CACNA2D1: variants seen among roughly 807,000 people sequenced by gnomAD.
The protein encoded by CACNA2D1 is voltage-dependent calcium channel subunit alpha-2/delta-1.
Under a neutral mutation model 171.5 loss-of-function variants are expected in CACNA2D1, and 53 were observed. The ratio of observed to expected loss-of-function variants is 0.31; its 90% CI spans 0.25 to 0.39. CACNA2D1 has a LOEUF of 0.39. CACNA2D1 is among the 10% of genes least tolerant of loss of function. The pLI is 1.00. For missense variants in CACNA2D1, 903 were observed against 1,299.8 expected, an observed-to-expected ratio of 0.69 and a Z score of 4.69; for synonymous variants, 442 against 443.1, an observed-to-expected ratio of 1.00 and a Z score of 0.03.
At chr7:82,207,213 C>A (rs957679849) in intron 3 of CACNA2D1, among the ~76,000 whole-genome samples, 3 of 152,182 alleles carry the variant, frequency 2.0e-5, no homozygotes, top group Non-Finnish European at 2.9e-5. Context: ...ATTATATCAG[C>A]CCCTGGCTGA....
intron 1 of CACNA2D1, among the ~76,000 whole-genome samples, chr7:82,355,189 T>A (rs1820283789): frequency 6.6e-6 from 1 of 152,116 alleles, no homozygotes; most frequent in African/African-American, 2.4e-5. Flanking sequence ...CATTGTGAAA[T>A]CAAATTGCTC....
intron 3 of CACNA2D1, among the ~76,000 whole-genome samples, chr7:82,194,903 G>C (rs1289883200): frequency 1.3e-5 from 2 of 151,908 alleles, no homozygotes; most frequent in Non-Finnish European, 1.5e-5. Context: ...AGAATGGGGG[G>C]CGGGGGAGAT....
At chr7:81,986,288 T>C (rs1796958686) in intron 21 of CACNA2D1, among the ~76,000 whole-genome samples, 1 of 152,170 alleles carries the variant, frequency 6.6e-6, no homozygotes, top group Admixed American at 6.6e-5. Flanking sequence ...CTAGCTCAAA[T>C]TTTAGTAATG....
At chr7:82,335,808 G>A (rs2129444420) in intron 2 of CACNA2D1, among the ~76,000 whole-genome samples, 1 of 152,298 alleles carries the variant, frequency 6.6e-6, no homozygotes, top group South Asian at 2.1e-4. Flanking sequence ...CGGTAATGGA[G>A]TATTTTTTTT....
At chr7:82,272,254 A>G (rs1309272297) in intron 3 of CACNA2D1, among the ~76,000 whole-genome samples, 1 of 152,224 alleles carries the variant, frequency 6.6e-6, no homozygotes, top group Non-Finnish European at 1.5e-5. Context: ...GCCTTTATTG[A>G]GGAACTTTTG....
chr7:82,333,565 C>A (rs1177187090), intron 3 of CACNA2D1, among the ~76,000 whole-genome samples: 1 of 151,898 alleles, frequency 6.6e-6, no homozygotes, highest in Non-Finnish European at 1.5e-5. Context: ...ATTACGGGAA[C>A]AGCATGGGAA....
At chr7:81,995,298 C>T (rs1039055397) in intron 19 of CACNA2D1, among the ~76,000 whole-genome samples, 4 of 152,016 alleles carry the variant, frequency 2.6e-5, no homozygotes, top group South Asian at 4.1e-4. Context: ...ACATATAACA[C>T]GGAATGCTTC....
intron 11 of CACNA2D1, among the ~76,000 whole-genome samples, chr7:82,035,535 A>G (rs10235670): frequency 0.2 from 30,205 of 152,064 alleles, 3,295 homozygotes; most frequent in African/African-American, 0.3. Flanking sequence ...CAATTGTAGC[A>G]GTTATAAAGG....
intron 1 of CACNA2D1, among the ~76,000 whole-genome samples, chr7:82,419,429 A>T (rs1828511958): frequency 6.6e-6 from 1 of 152,138 alleles, no homozygotes; most frequent in African/African-American, 2.4e-5. Flanking sequence ...TAGATAGCCT[A>T]ATTTCCGCTC....
intron 38 of CACNA2D1, among the ~76,000 whole-genome samples, chr7:81,955,092 G>A (rs780531191): frequency 6.6e-6 from 1 of 152,014 alleles, no homozygotes; most frequent in African/African-American, 2.4e-5. Flanking sequence ...ATAAATGTTA[G>A]CTTTTTGAGT....
intron 1 of CACNA2D1, among the ~76,000 whole-genome samples, chr7:82,374,583 T>C (rs1381469577): frequency 1.3e-5 from 2 of 152,128 alleles, no homozygotes; most frequent in Non-Finnish European, 2.9e-5. Context: ...CAATCAGTAC[T>C]AGAAGATCAA....
chr7:82,139,357 A>G (rs1304295909), intron 4 of CACNA2D1, among the ~76,000 whole-genome samples: 1 of 152,200 alleles, frequency 6.6e-6, no homozygotes, highest in Admixed American at 6.5e-5. Context: ...TAAACTAAGT[A>G]TTTTGATCCT....
Position 82,389,562 on chromosome 7 carries a change from C to T in CACNA2D1, c.96-39913G>A, listed in dbSNP as rs1276286905. ...GAGGTGTTATCTCTACTGAACTGAA[C>T]TCCTAGTCTCCCTGCCCCCTGACAT... On this transcript the variant is annotated intron_variant, in intron 1 of 38. Coordinates refer to ENST00000356860, the MANE Select transcript of CACNA2D1 (RefSeq NM_000722.4). Among the ~76,000 whole-genome samples, 3 of 152,136 alleles carry T rather than the reference C, an allele frequency of 2.0e-5. No homozygotes were observed. The East Asian group carries it at 5.8e-4, about 29-fold the overall frequency.
At chr7:82,158,076 T>C (rs1235523377) in intron 4 of CACNA2D1, among the ~76,000 whole-genome samples, 2 of 151,958 alleles carry the variant, frequency 1.3e-5, no homozygotes, top group African/African-American at 4.8e-5. Flanking sequence ...GCATGCTGAA[T>C]ATATGTAAAC....
At chr7:82,441,828 T>C (rs1346180725) in intron 1 of CACNA2D1, among the ~76,000 whole-genome samples, 1 of 152,182 alleles carries the variant, frequency 6.6e-6, no homozygotes, top group Non-Finnish European at 1.5e-5. Flanking sequence ...AGCGACTCAT[T>C]TGAGTTCTCA....
At chr7:81,959,633 T>A in intron 37 of CACNA2D1, 87 bp downstream of exon 37, 1 of 1,381,830 alleles carries the variant, frequency 7.2e-7, no homozygotes, top group Non-Finnish European at 1.0e-6. Flanking sequence ...CTAATAGTTT[T>A]CTCTTTATGA....
intron 12 of CACNA2D1, among the ~76,000 whole-genome samples, chr7:82,030,445 C>T (rs1802542882): frequency 6.7e-6 from 1 of 150,226 alleles, no homozygotes. Context: ...TCTGAATTTA[C>T]ATGAAAGCAA....
chr7:82,037,466 T>C (rs1477047538), intron 11 of CACNA2D1, among the ~76,000 whole-genome samples: 8 of 144,908 alleles, frequency 5.5e-5, no homozygotes, highest in African/African-American at 1.6e-4. Flanking sequence ...GTGACAAGAG[T>C]GAAACTCCAT....
intron 12 of CACNA2D1, chr7:82,029,547 A>T (rs557211232): frequency 6.6e-6 from 1 of 151,866 alleles, no homozygotes; most frequent in African/African-American, 2.4e-5. Flanking sequence ...TTTAAAAAAG[A>T]AAAACAGCTT....
Sources: allele counts gnomAD v4.1 joint callset (sites outside exome capture counted in the v4.1 genomes callset), GRCh38; gene constraint gnomAD v4.1.1; transcripts MANE v1.5; gene names NCBI Gene and HGNC (gene_info 2026-07-23, HGNC 2026-07-21).